NCEH1: variants seen among roughly 807,000 people sequenced by gnomAD.
The protein encoded by NCEH1 is 2-acetyl MAGE hydrolase.
In NCEH1, 9 loss-of-function variants were observed where a neutral mutation model predicts 25.4. The observed-to-expected ratio is 0.35, with a 90% CI of 0.21 to 0.62. The LOEUF is 0.62. Among genes scored for constraint, NCEH1 ranks in the 20% least tolerant of loss-of-function variants. NCEH1 has a pLI of 0.72. For synonymous variants in NCEH1, 200 were observed against 199.8 expected (o/e 1.00, Z -0.01); for missense variants, 412 against 501.1 (o/e 0.82, Z 1.70).
chr3:172,704,033 T>G (rs1259864960), intron 1 of NCEH1, among the ~76,000 whole-genome samples: 1 of 152,274 alleles, frequency 6.6e-6, no homozygotes, highest in Non-Finnish European at 1.5e-5. Context: ...CATTATTTAC[T>G]GATGTTTTAA....
At chr3:172,643,200 C>T (rs1716944960) in intron 3 of NCEH1, among the ~76,000 whole-genome samples, 1 of 152,156 alleles carries the variant, frequency 6.6e-6, no homozygotes, top group Admixed American at 6.5e-5. Context: ...CTCAGCCTCC[C>T]AAAGTGCTGG....
chr3:172,674,569 C>CT (rs1396414203), intron 1 of NCEH1, among the ~76,000 whole-genome samples: 6 of 113,150 alleles, frequency 5.3e-5, no homozygotes, highest in African/African-American at 3.0e-4. Flanking sequence ...AGTAGAACTT[C>CT]TTTTTAACGC....
intron 1 of NCEH1, among the ~76,000 whole-genome samples, chr3:172,675,327 A>AAATAAATTAATTAATTAATTAATT: frequency 6.7e-6 from 1 of 148,950 alleles, no homozygotes; most frequent in African/African-American, 2.5e-5. Context: ...ATAAATAAAT[A>AAATAAATTAATTAATTAATTAATT]AATAAATAAA....
At chr3:172,688,437 C>A (rs534689817) in intron 1 of NCEH1, among the ~76,000 whole-genome samples, 2 of 146,416 alleles carry the variant, frequency 1.4e-5, no homozygotes, top group East Asian at 2.0e-4. Context: ...TTTAAGATTT[C>A]TTTTCCCTTC....
intron 2 of NCEH1, 104 bp downstream of exon 2, chr3:172,647,782 G>A (rs1280008076): frequency 4.1e-6 from 6 of 1,475,844 alleles, no homozygotes; most frequent in East Asian, 2.5e-5. Context: ...GGGGAACCTA[G>A]ATAAATGGTC....
At chr3:172,707,578 TTTA>T (rs1168681892) in intron 1 of NCEH1, among the ~76,000 whole-genome samples, 12 of 152,128 alleles carry the variant, frequency 7.9e-5, no homozygotes, top group Admixed American at 7.2e-4. Flanking sequence ...CTTTTCGTTT[TTTA>T]TTTTTATTAT....
chr3:172,706,627 T>C (rs1412786845), intron 1 of NCEH1, among the ~76,000 whole-genome samples: 6 of 151,634 alleles, frequency 4.0e-5, no homozygotes, highest in Non-Finnish European at 7.4e-5. Flanking sequence ...GCCTCCCAAG[T>C]AGCTGGAATT....
intron 1 of NCEH1, among the ~76,000 whole-genome samples, chr3:172,684,278 G>T (rs1712567724): frequency 6.6e-6 from 1 of 152,194 alleles, no homozygotes. Flanking sequence ...TAGTGCTTGA[G>T]AAAGAAATAC....
chr3:172,670,346 G>C (rs1288985915), intron 1 of NCEH1, among the ~76,000 whole-genome samples: 1 of 152,102 alleles, frequency 6.6e-6, no homozygotes, highest in Non-Finnish European at 1.5e-5. Context: ...TGAAAACAAT[G>C]AAAGAAAAAA....
intron 1 of NCEH1, among the ~76,000 whole-genome samples, chr3:172,685,998 G>A (rs1263549162): frequency 1.3e-5 from 2 of 152,226 alleles, no homozygotes; most frequent in Non-Finnish European, 2.9e-5. Context: ...TGAGATCTGT[G>A]ATTCACTCAG....
intron 1 of NCEH1, among the ~76,000 whole-genome samples, chr3:172,661,153 A>G (rs1717953889): frequency 2.0e-5 from 3 of 152,286 alleles, no homozygotes; most frequent in South Asian, 4.1e-4. Flanking sequence ...TTTTTGTATA[A>G]CATGTAAGGA....
intron 2 of NCEH1, among the ~76,000 whole-genome samples, chr3:172,646,935 G>A (rs557394384): frequency 1.3e-5 from 2 of 152,226 alleles, no homozygotes; most frequent in African/African-American, 4.8e-5. Flanking sequence ...ACAACTGTTT[G>A]AGCTTTTGCA....
intron 1 of NCEH1, among the ~76,000 whole-genome samples, chr3:172,696,198 A>G (rs1398275710): frequency 1.3e-5 from 2 of 152,176 alleles, no homozygotes; most frequent in African/African-American, 4.8e-5. Context: ...CAGATAAGAA[A>G]CTAACACAGA....
At chr3:172,698,072 G>T (rs1361436373) in intron 1 of NCEH1, among the ~76,000 whole-genome samples, 5 of 149,940 alleles carry the variant, frequency 3.3e-5, no homozygotes, top group African/African-American at 1.2e-4. Flanking sequence ...TGCCTCCTGG[G>T]TTCAAGCGAC....
At chr3:172,708,444 C>T (rs947777375) in intron 1 of NCEH1, among the ~76,000 whole-genome samples, 33 of 152,196 alleles carry the variant, frequency 2.2e-4, no homozygotes, top group African/African-American at 7.0e-4. Flanking sequence ...CAACCTCCGC[C>T]TCCCAGGTTC....
intron 1 of NCEH1, among the ~76,000 whole-genome samples, chr3:172,695,085 G>A (rs1713284428): frequency 6.6e-6 from 1 of 152,144 alleles, no homozygotes; most frequent in Non-Finnish European, 1.5e-5. Context: ...GTGGTCAACT[G>A]AAGACACCTA....
At chr3:172,683,853 C>G (rs999561999) in intron 1 of NCEH1, among the ~76,000 whole-genome samples, 2 of 152,196 alleles carry the variant, frequency 1.3e-5, no homozygotes, top group Admixed American at 1.3e-4. Context: ...CTGCCTGTGA[C>G]CCAGTGATCT....
intron 1 of NCEH1, among the ~76,000 whole-genome samples, chr3:172,679,602 T>C (rs1465836239): frequency 6.6e-6 from 1 of 151,840 alleles, no homozygotes; most frequent in Non-Finnish European, 1.5e-5. Context: ...TATTAACACA[T>C]TATTTTAGCC....
chr3:172,671,953 G>T (rs1432478672), intron 1 of NCEH1, among the ~76,000 whole-genome samples: 1 of 152,186 alleles, frequency 6.6e-6, no homozygotes, highest in African/African-American at 2.4e-5. Flanking sequence ...TAACCTAAGT[G>T]TACAGTATTT....
Sources: allele counts gnomAD v4.1 joint callset (sites outside exome capture counted in the v4.1 genomes callset), GRCh38; gene constraint gnomAD v4.1.1; transcripts MANE v1.5; gene names NCBI Gene and HGNC (gene_info 2026-07-23, HGNC 2026-07-21).